TEAD1: variants seen among roughly 807,000 people sequenced by gnomAD.
TEAD1 encodes TEA domain transcription factor 1, also known as transcriptional enhancer factor TEF-1.
TEAD1 carries 9 observed loss-of-function variants against 54.9 expected under a neutral mutation model. The observed-to-expected ratio is 0.16, with a 90% CI of 0.10 to 0.29. The LOEUF (loss-of-function observed/expected upper bound fraction) is 0.29. Ranked by LOEUF, TEAD1 falls within the 10% of genes least tolerant of loss-of-function variation. The pLI, the probability that TEAD1 is intolerant of heterozygous loss-of-function variation, is 1.00. For synonymous variants in TEAD1, 200 were observed against 187.8 expected (o/e 1.07, Z -0.53); for missense variants, 387 against 535.9 (o/e 0.72, Z 2.74).
chr11:12,859,125 A>C (rs1947449172), intron 3 of TEAD1, among the ~76,000 whole-genome samples: 1 of 152,236 alleles, frequency 6.6e-6, no homozygotes, highest in South Asian at 2.1e-4. Context: ...GTGTGAGTTG[A>C]CACTGTTTAA....
chr11:12,802,378 T>G (rs1200802714), intron 3 of TEAD1, among the ~76,000 whole-genome samples: 2 of 152,208 alleles, frequency 1.3e-5, no homozygotes, highest in Non-Finnish European at 2.9e-5. Flanking sequence ...CCAGTCACTT[T>G]TTTTTTAACC....
At chr11:12,828,793 T>A (rs1348912921) in intron 3 of TEAD1, among the ~76,000 whole-genome samples, 1 of 57,410 alleles carries the variant, frequency 1.7e-5, no homozygotes, top group African/African-American at 5.2e-5. Context: ...TTGATTTGCA[T>A]TTTTTTTTTT....
intron 2 of TEAD1, among the ~76,000 whole-genome samples, chr11:12,757,893 T>C (rs896827691): frequency 1.2e-4 from 18 of 151,876 alleles, no homozygotes; most frequent in Admixed American, 2.0e-4. Flanking sequence ...GATTCGTCTG[T>C]CTCAGCCTCC....
At chr11:12,686,758 A>G (rs1419699457) in intron 2 of TEAD1, among the ~76,000 whole-genome samples, 1 of 152,242 alleles carries the variant, frequency 6.6e-6, no homozygotes, top group Non-Finnish European at 1.5e-5. Context: ...TAGAAATTTT[A>G]AAAGAAATTT....
intron 2 of TEAD1, among the ~76,000 whole-genome samples, chr11:12,676,994 T>A (rs1051427191): frequency 1.6e-4 from 25 of 151,932 alleles, no homozygotes; most frequent in Non-Finnish European, 2.5e-4. Flanking sequence ...CTTTTTTTTT[T>A]AAAAACGAGC....
chr11:12,935,781 T>A (rs1319178344), intron 12 of TEAD1, among the ~76,000 whole-genome samples: 1 of 152,132 alleles, frequency 6.6e-6, no homozygotes, highest in Non-Finnish European at 1.5e-5. Flanking sequence ...TTAAATGACT[T>A]GTGTGCCATG....
chr11:12,743,946 A>T (rs957304768), intron 2 of TEAD1, among the ~76,000 whole-genome samples: 1 of 152,198 alleles, frequency 6.6e-6, no homozygotes, highest in Non-Finnish European at 1.5e-5. Context: ...ACACGCTGTT[A>T]TGGAAGTATT....
At chr11:12,899,879 T>C (rs1948391628) in intron 9 of TEAD1, among the ~76,000 whole-genome samples, 1 of 152,218 alleles carries the variant, frequency 6.6e-6, no homozygotes, top group Non-Finnish European at 1.5e-5. Flanking sequence ...CTGCCCCTTA[T>C]ATGCAACACT....
chr11:12,764,582 C>A, intron 3 of TEAD1, 148 bp downstream of exon 3: 2 of 940,558 alleles, frequency 2.1e-6, no homozygotes, highest in Non-Finnish European at 3.2e-6. Context: ...AAGGACTCAC[C>A]CTAAACTAAA....
intron 3 of TEAD1, among the ~76,000 whole-genome samples, chr11:12,800,288 GT>G (rs1221828829): frequency 1.3e-5 from 2 of 152,338 alleles, no homozygotes; most frequent in East Asian, 3.9e-4. Flanking sequence ...TCCTGAGCCG[GT>G]TTTACCTCTT....
chr11:12,707,189 G>A (rs887009189), intron 2 of TEAD1, among the ~76,000 whole-genome samples: 1 of 142,746 alleles, frequency 7.0e-6, no homozygotes, highest in African/African-American at 2.6e-5. Context: ...CTATACTTGT[G>A]CGGCTGGTGT....
At chr11:12,767,768 G>C (rs1267508761) in intron 3 of TEAD1, among the ~76,000 whole-genome samples, 1 of 152,160 alleles carries the variant, frequency 6.6e-6, no homozygotes, top group East Asian at 1.9e-4. Flanking sequence ...ACTAGAAGGG[G>C]TACGAGATGT....
intron 3 of TEAD1, among the ~76,000 whole-genome samples, chr11:12,833,891 G>A (rs920155919): frequency 4.6e-5 from 7 of 152,150 alleles, no homozygotes; most frequent in African/African-American, 1.7e-4. Context: ...CCCTCCTTGT[G>A]TTTACTCATT....
At chr11:12,929,402 T>G (rs1357637550) in intron 11 of TEAD1, among the ~76,000 whole-genome samples, 2 of 148,198 alleles carry the variant, frequency 1.3e-5, no homozygotes, top group Non-Finnish European at 3.0e-5. Flanking sequence ...AATTCCCTTT[T>G]CCTGGCTTCC....
intron 3 of TEAD1, among the ~76,000 whole-genome samples, chr11:12,808,581 A>G (rs961580651): frequency 6.6e-6 from 1 of 152,160 alleles, no homozygotes; most frequent in South Asian, 2.1e-4. Context: ...CTGCCTGGAC[A>G]GTGCCAGCAC....
At chr11:12,769,252 A>C (rs544075503) in intron 3 of TEAD1, among the ~76,000 whole-genome samples, 8 of 152,252 alleles carry the variant, frequency 5.3e-5, no homozygotes, top group African/African-American at 1.9e-4. Flanking sequence ...GTCTCTAGTC[A>C]GTCCTCCCCC....
chr11:12,856,650 C>G (rs1188516808), intron 3 of TEAD1, among the ~76,000 whole-genome samples: 12 of 152,152 alleles, frequency 7.9e-5, no homozygotes. Flanking sequence ...GTCTAGCAGT[C>G]AAGGGAAATG....
intron 9 of TEAD1, among the ~76,000 whole-genome samples, chr11:12,893,585 C>T (rs1282412808): frequency 6.6e-6 from 1 of 152,222 alleles, no homozygotes; most frequent in Non-Finnish European, 1.5e-5. Flanking sequence ...ACGCACCTTC[C>T]TGGTTGCTCA....
chr11:12,787,292 C>G (rs143879138), intron 3 of TEAD1, among the ~76,000 whole-genome samples: 1 of 152,100 alleles, frequency 6.6e-6, no homozygotes, highest in African/African-American at 2.4e-5. Flanking sequence ...CCTTTTTCTT[C>G]CTCATTTAAG....
Sources: allele counts gnomAD v4.1 joint callset (sites outside exome capture counted in the v4.1 genomes callset), GRCh38; gene constraint gnomAD v4.1.1; transcripts MANE v1.5; gene names NCBI Gene and HGNC (gene_info 2026-07-23, HGNC 2026-07-21).